CLEC9A: variants seen among roughly 807,000 people sequenced by gnomAD.
The protein encoded by CLEC9A is C-type lectin domain family 9 member A.
In CLEC9A, 24 loss-of-function variants were observed where a neutral mutation model predicts 30.0. That is an observed-to-expected ratio of 0.80 (90% confidence interval 0.58 to 1.13). CLEC9A has a LOEUF of 1.13. Ranked by LOEUF, CLEC9A falls within the 50% of genes most tolerant of loss-of-function variation. The pLI, the probability that CLEC9A is intolerant of heterozygous loss-of-function variation, is 0.00. For synonymous variants in CLEC9A, 111 were observed against 96.8 expected (o/e 1.15, Z -0.86); for missense variants, 251 against 280.9 (o/e 0.89, Z 0.76).
intron 1 of CLEC9A, among the ~76,000 whole-genome samples, chr12:10,032,460 G>A (rs573985064): frequency 1.5e-5 from 2 of 136,104 alleles, no homozygotes; most frequent in Non-Finnish European, 3.0e-5. Flanking sequence ...GCGCAATCTC[G>A]GCTCACTGCA....
chr12:10,036,335 C>A (rs562260084), intron 1 of CLEC9A, among the ~76,000 whole-genome samples: 1 of 152,228 alleles, frequency 6.6e-6, no homozygotes, highest in Non-Finnish European at 1.5e-5. Context: ...GAAATCTTAC[C>A]CCTTTACAAA....
At position 10,063,066 on chromosome 12, in the gene CLEC9A, A is replaced by G. The variant is rs1342326238; in HGVS notation, c.331A>G (p.Ser111Gly). The G allele has an allele frequency of 6.3e-7, 1 of 1,599,614 alleles. No homozygotes were observed. Among genetic ancestry groups the G allele is most frequent in the Admixed American group, 1.8e-5 (1 of 55,724 alleles). The change falls in exon 7 of 9, where the codon AGT becomes GGT. Residue 111 changes from serine (S) to glycine (G), a missense_variant. By Grantham distance (56) the Ser-to-Gly change is moderately conservative. Transcript: ENST00000355819. ...QNSLSSAHNSSPCPNNWIQNR... is the reference protein window; with the variant it reads ...QNSLSSAHNSGPCPNNWIQNR... ...GTTTATATTCAAAGCCCATAACAGC[A>G]GTCCTTGTCCAAACAATTGGATTCA...
intron 5 of CLEC9A, among the ~76,000 whole-genome samples, chr12:10,059,731 A>AC (rs1206668311): frequency 3.3e-5 from 5 of 152,096 alleles, no homozygotes; most frequent in South Asian, 2.1e-4. Context: ...AGAAGGTGAG[A>AC]CCCCATCTCT....
intron 1 of CLEC9A, chr12:10,041,085 A>C (rs1429698377): frequency 1.3e-5 from 2 of 157,110 alleles, no homozygotes; most frequent in African/African-American, 4.8e-5. Context: ...TCTACTAAAA[A>C]TACAAAAAAA....
At chr12:10,038,666 C>T (rs1448365358) in intron 1 of CLEC9A, among the ~76,000 whole-genome samples, 2 of 152,210 alleles carry the variant, frequency 1.3e-5, no homozygotes, top group Non-Finnish European at 2.9e-5. Context: ...AAATAGACAG[C>T]ATCCTCCCCA....
intron 5 of CLEC9A, 151 bp from the exon 6 acceptor site, chr12:10,060,976 G>C: frequency 1.1e-6 from 1 of 910,380 alleles, no homozygotes; most frequent in Non-Finnish European, 1.6e-6. Context: ...TTTGATTCTT[G>C]TACAATGTAA....
chr12:10,047,804 C>T (rs188855530), intron 2 of CLEC9A, among the ~76,000 whole-genome samples: 28 of 152,250 alleles, frequency 1.8e-4, no homozygotes, highest in Non-Finnish European at 3.1e-4. Context: ...AAAATGCTAA[C>T]GATTACCTGA....
intron 7 of CLEC9A, among the ~76,000 whole-genome samples, chr12:10,064,398 A>G (rs975617248): frequency 3.9e-5 from 6 of 152,192 alleles, no homozygotes; most frequent in Admixed American, 3.9e-4. Context: ...TATGTGGTCT[A>G]TGATGTCAAG....
chr12:10,043,261 C>T (rs1865813273), intron 2 of CLEC9A: 2 of 324,460 alleles, frequency 6.2e-6, no homozygotes, highest in Admixed American at 4.2e-5. Context: ...GTCAGATTAT[C>T]CCACCAGAAC....
intron 2 of CLEC9A, among the ~76,000 whole-genome samples, chr12:10,047,976 G>T (rs1033831755): frequency 1.3e-5 from 2 of 151,620 alleles, no homozygotes; most frequent in Non-Finnish European, 2.9e-5. Flanking sequence ...CTCACGCCCT[G>T]TAATCCCAGC....
chr12:10,061,439 A>G (rs1865996924), intron 6 of CLEC9A, among the ~76,000 whole-genome samples, 166 bp downstream of exon 6: 1 of 152,240 alleles, frequency 6.6e-6, no homozygotes, highest in African/African-American at 2.4e-5. Context: ...ATAACATCCA[A>G]TACTACGTGG....
chr12:10,049,835 A>G (rs1865877921), intron 2 of CLEC9A, among the ~76,000 whole-genome samples: 1 of 152,238 alleles, frequency 6.6e-6, no homozygotes, highest in African/African-American at 2.4e-5. Flanking sequence ...CTGGAGCAGC[A>G]CTTTTAATTT....
chr12:10,043,801 C>T (rs562764911), intron 2 of CLEC9A, among the ~76,000 whole-genome samples: 18 of 152,062 alleles, frequency 1.2e-4, no homozygotes, highest in African/African-American at 4.1e-4. Flanking sequence ...CATGCCTCAG[C>T]CTCCTGAGCA....
At chr12:10,049,154 G>C (rs1449627745) in intron 2 of CLEC9A, among the ~76,000 whole-genome samples, 1 of 151,780 alleles carries the variant, frequency 6.6e-6, no homozygotes, top group Non-Finnish European at 1.5e-5. Context: ...AAAAAAAAAA[G>C]GTTTTTTTTT....
rs1387422930 is a variant in CLEC9A, at chr12:10,030,756, CA to C, written c.-531del. 1 of 152,240 alleles carries C rather than the reference CA, an allele frequency of 6.6e-6. No homozygotes were observed. Among genetic ancestry groups the C allele is most frequent in the Non-Finnish European group, 1.5e-5 (1 of 68,048 alleles). The allele number at this position is 152,240 out of a possible 1,614,324, so 9.4% of individuals were successfully genotyped here. A position where few individuals can be genotyped will look rare whatever the true frequency, so the allele number is the denominator to read the frequency against. On this transcript the variant is annotated 5_prime_UTR_variant, in exon 1 of 9. Coordinates refer to ENST00000355819, the MANE Select transcript of CLEC9A (RefSeq NM_207345.4). ...ACTGGCAACATGTTTTGATTCTTCT[CA>C]AATAACTCGCAAGCTCTTGTGAAGC...
intron 1 of CLEC9A, among the ~76,000 whole-genome samples, chr12:10,031,645 A>C (rs765699163): frequency 1.3e-5 from 2 of 152,310 alleles, no homozygotes; most frequent in Non-Finnish European, 2.9e-5. Flanking sequence ...TAGCAAGACC[A>C]GGTGCAGTTA....
intron 1 of CLEC9A, among the ~76,000 whole-genome samples, chr12:10,036,854 A>G (rs973572782): frequency 6.6e-6 from 1 of 152,244 alleles, no homozygotes; most frequent in Non-Finnish European, 1.5e-5. Context: ...TTCTCTTCCC[A>G]TGATCAAAAT....
chr12:10,039,853 G>A (rs80123658), intron 1 of CLEC9A, among the ~76,000 whole-genome samples: 5,170 of 77,664 alleles, frequency 0.067, 302 homozygotes, highest in African/African-American at 0.21. Flanking sequence ...ACAAAGTTCC[G>A]CTCTTTCACC....
intron 6 of CLEC9A, 68 bp from the exon 7 acceptor site, chr12:10,062,987 T>G (rs1591895611): frequency 1.4e-6 from 2 of 1,420,438 alleles, no homozygotes; most frequent in Non-Finnish European, 1.9e-6. Flanking sequence ...GGCAAGGGGC[T>G]TTTTGGAGGG....
Sources: gnomAD v4.1 joint callset for allele counts (sites outside exome capture counted in the v4.1 genomes callset) on GRCh38, gnomAD v4.1.1 for gene constraint, MANE v1.5 for transcripts, NCBI Gene and HGNC (gene_info 2026-07-23, HGNC 2026-07-21) for gene names.